Variants in HPSE2 observed in about 807,000 individuals in gnomAD.
HPSE2 encodes the protein inactive heparanase-2.
Under a neutral mutation model 60.5 loss-of-function variants are expected in HPSE2, and 38 were observed. That is an observed-to-expected ratio of 0.63 (90% confidence interval 0.48 to 0.82). The LOEUF is 0.82. HPSE2 is among the 40% of genes least tolerant of loss of function. The pLI, the probability that HPSE2 is intolerant of heterozygous loss-of-function variation, is 0.00. For missense variants in HPSE2, 713 were observed against 740.4 expected (o/e 0.96, Z 0.43); for synonymous variants, 295 against 293.2 (o/e 1.01, Z -0.06).
chr10:99,013,618 C>T (rs534084684), intron 3 of HPSE2, among the ~76,000 whole-genome samples: 94 of 152,080 alleles, frequency 6.2e-4, no homozygotes, highest in East Asian at 5.8e-3. Context: ...ATTACAGGTG[C>T]GTGCCACCAT....
chr10:99,216,459 T>C (rs1453530990), intron 2 of HPSE2, among the ~76,000 whole-genome samples: 1 of 145,584 alleles, frequency 6.9e-6, no homozygotes, highest in Non-Finnish European at 1.5e-5. Context: ...CCTCCCAAAG[T>C]GCTGGGATTA....
intron 3 of HPSE2, among the ~76,000 whole-genome samples, chr10:99,062,680 A>T (rs1321516331): frequency 6.6e-6 from 1 of 152,196 alleles, no homozygotes; most frequent in Non-Finnish European, 1.5e-5. Context: ...ACAGCCAATG[A>T]TCAGAGCCAG....
At chr10:99,289,719 G>A in the HPSE2 span, among the ~76,000 whole-genome samples, 8 of 151,958 alleles carry the variant, frequency 5.3e-5, no homozygotes, top group South Asian at 2.1e-4. Flanking sequence ...AAATTCTGAC[G>A]TCTTGGCAAA....
intron 3 of HPSE2, among the ~76,000 whole-genome samples, chr10:98,797,175 GA>G (rs1386836334): frequency 6.6e-6 from 1 of 152,100 alleles, no homozygotes; most frequent in Non-Finnish European, 1.5e-5. Flanking sequence ...TGGAGAAACA[GA>G]TATATGACCT....
At chr10:98,668,746 A>G (rs1476057515) in intron 6 of HPSE2, among the ~76,000 whole-genome samples, 6 of 152,122 alleles carry the variant, frequency 3.9e-5, no homozygotes, top group Non-Finnish European at 1.5e-5. Context: ...CATATACAAA[A>G]CTCAACTCAA....
At chr10:99,121,106 A>C (rs1268298465) in intron 3 of HPSE2, among the ~76,000 whole-genome samples, 1 of 152,196 alleles carries the variant, frequency 6.6e-6, no homozygotes, top group African/African-American at 2.4e-5. Flanking sequence ...ACAGAATACT[A>C]TGCAGTCATA....
At chr10:99,032,276 C>T (rs920633400) in intron 3 of HPSE2, among the ~76,000 whole-genome samples, 1 of 152,020 alleles carries the variant, frequency 6.6e-6, no homozygotes, top group Non-Finnish European at 1.5e-5. Flanking sequence ...ATCATGATGT[C>T]CCCTCTGTTC....
At position 99,192,496 on chromosome 10, in the gene HPSE2, G is replaced by A. The variant is rs116182008; in HGVS notation, c.448+39852C>T. Among the ~76,000 whole-genome samples the A allele has an allele frequency of 2.2e-3, 336 of 152,154 alleles. 1 individual carries two copies. Among genetic ancestry groups the A allele is most frequent in the African/African-American group, 7.5e-3 (312 of 41,508 alleles). On this transcript the variant is annotated intron_variant, in intron 2 of 11. Transcript: ENST00000370552. ...GTGTCACCTATGCTGGAGTGCAGTC[G>A]CACAATCACAGCACACCACAGACTT...
chr10:98,480,659 T>G (rs906797445), intron 11 of HPSE2, among the ~76,000 whole-genome samples: 1 of 152,200 alleles, frequency 6.6e-6, no homozygotes, highest in African/African-American at 2.4e-5. Flanking sequence ...ATGCTACCCT[T>G]GACTATCATC....
chr10:98,799,042 AC>A (rs1381429754), intron 3 of HPSE2, among the ~76,000 whole-genome samples: 1 of 152,172 alleles, frequency 6.6e-6, no homozygotes, highest in African/African-American at 2.4e-5. Context: ...TCTATAAGAA[AC>A]ACACTTCACC....
intron 3 of HPSE2, among the ~76,000 whole-genome samples, chr10:99,132,987 T>G (rs536228867): frequency 1.3e-5 from 2 of 152,178 alleles, no homozygotes; most frequent in Non-Finnish European, 2.9e-5. Flanking sequence ...TAAGATCCAC[T>G]GGCTTGAAAA....
intron 2 of HPSE2, among the ~76,000 whole-genome samples, chr10:99,208,028 TTATAA>T (rs547602125): frequency 7.5e-4 from 111 of 148,946 alleles, no homozygotes; most frequent in South Asian, 4.4e-3. Flanking sequence ...TATAATTATA[TTATAA>T]TATAAGAAGT....
At chr10:99,215,384 T>C (rs1849085525) in intron 2 of HPSE2, among the ~76,000 whole-genome samples, 1 of 152,184 alleles carries the variant, frequency 6.6e-6, no homozygotes, top group African/African-American at 2.4e-5. Flanking sequence ...ACACTGCATG[T>C]TCTCACTCAT....
chr10:99,301,720 T>C, the HPSE2 span, among the ~76,000 whole-genome samples: 2 of 152,080 alleles, frequency 1.3e-5, no homozygotes, highest in African/African-American at 2.4e-5. Flanking sequence ...TTGTGAGCCA[T>C]GGCTGCCACC....
Position 98,646,322 on chromosome 10 carries a change from CTT to C in HPSE2, c.1005-4384_1005-4383del, listed in dbSNP as rs5787294. Among the ~76,000 whole-genome samples the C allele has an allele frequency of 1.3e-3, 192 of 144,724 alleles. 1 individual carries two copies. Among genetic ancestry groups the C allele is most frequent in the Admixed American group, 3.6e-3 (53 of 14,590 alleles). 94.9% of individuals were successfully genotyped at this position (144,724 alleles called of 152,430 possible). On this transcript the variant is annotated intron_variant, in intron 6 of 11. Transcript: ENST00000370552. ...ATGGTGATTTCTTTTTTTCTTTTTT[CTT>C]TTTTTTTTTTTAAAAAAACCCTGGC...
intron 3 of HPSE2, among the ~76,000 whole-genome samples, chr10:98,850,491 C>G (rs1054158534): frequency 6.6e-6 from 1 of 152,094 alleles, no homozygotes; most frequent in African/African-American, 2.4e-5. Context: ...AATCCCAGCA[C>G]TTTGGGAGGC....
intron 2 of HPSE2, among the ~76,000 whole-genome samples, chr10:99,190,659 T>C (rs1261899187): frequency 2.0e-5 from 3 of 152,126 alleles, no homozygotes; most frequent in African/African-American, 4.8e-5. Context: ...GATGGCCAAA[T>C]AGAAGCCTCC....
intron 9 of HPSE2, among the ~76,000 whole-genome samples, chr10:98,600,884 C>CAT (rs1945389319): frequency 6.3e-5 from 2 of 31,720 alleles, no homozygotes; most frequent in Non-Finnish European, 1.9e-4. Context: ...TGTATATATA[C>CAT]ATATATACGT....
chr10:99,008,624 T>C (rs1041121014), intron 3 of HPSE2, among the ~76,000 whole-genome samples: 6 of 152,308 alleles, frequency 3.9e-5, no homozygotes, highest in East Asian at 3.9e-4. Flanking sequence ...ATTTGGAAAA[T>C]GTTTTTAAAC....
Sources: allele counts gnomAD v4.1 joint callset (sites outside exome capture counted in the v4.1 genomes callset), GRCh38; gene constraint gnomAD v4.1.1; transcripts MANE v1.5; gene names NCBI Gene and HGNC (gene_info 2026-07-23, HGNC 2026-07-21).